The following PTPN4 variants were observed in gnomAD, a reference collection of about 807,000 sequenced individuals.
PTPN4 encodes the protein protein tyrosine phosphatase non-receptor type 4, also known as tyrosine-protein phosphatase non-receptor type 4.
In PTPN4, 49 loss-of-function variants were observed where a neutral mutation model predicts 135.5. The ratio of observed to expected loss-of-function variants is 0.36; its 90% CI spans 0.29 to 0.46. The LOEUF (loss-of-function observed/expected upper bound fraction) is 0.46, where lower values mean the gene tolerates loss of function less well. Among genes scored for constraint, PTPN4 ranks in the 20% least tolerant of loss-of-function variants. The pLI is 1.00. For missense variants in PTPN4, 860 were observed against 1,101.0 expected, an observed-to-expected ratio of 0.78 and a Z score of 3.10; for synonymous variants, 333 against 369.9, an observed-to-expected ratio of 0.90 and a Z score of 1.14.
chr2:119,945,305 T>C, intron 16 of PTPN4, 65 bp downstream of exon 16: 1 of 1,425,738 alleles, frequency 7.0e-7, no homozygotes, highest in Non-Finnish European at 9.4e-7. Context: ...TGAAATTTCT[T>C]TTGTACTTTG....
intron 12 of PTPN4, among the ~76,000 whole-genome samples, chr2:119,921,278 T>G (rs1678733546): frequency 6.6e-6 from 1 of 152,000 alleles, no homozygotes; most frequent in Non-Finnish European, 1.5e-5. Flanking sequence ...AGAGCAAGAC[T>G]CCATCTCAAA....
intron 18 of PTPN4, among the ~76,000 whole-genome samples, chr2:119,951,609 G>C (rs1375615428): frequency 1.3e-5 from 2 of 152,176 alleles, no homozygotes; most frequent in Non-Finnish European, 2.9e-5. Flanking sequence ...GGTAACTAAA[G>C]TTTGAATTGT....
intron 3 of PTPN4, among the ~76,000 whole-genome samples, chr2:119,874,278 A>C (rs1352881086): frequency 6.6e-6 from 1 of 152,212 alleles, no homozygotes; most frequent in Non-Finnish European, 1.5e-5. Context: ...AGTTTCTCAA[A>C]AAGTTAAATA....
rs533653035 is a variant in PTPN4, at chr2:119,893,342, G to C, written c.676-7376G>C. On this transcript the variant is annotated intron_variant, in intron 9 of 26. Transcript: ENST00000263708. ...ATTTGGTAATTATTCCAAAGCTTTT[G>C]GCCTGAACTTTTACTAAGTTGGGAA... Among the ~76,000 whole-genome samples the C allele has an allele frequency of 2.6e-5, 4 of 152,262 alleles. No individual in the cohort carries two copies. The South Asian group carries it at 8.3e-4, about 32-fold the overall frequency.
At chr2:119,831,051 T>G (rs1186205385) in intron 2 of PTPN4, among the ~76,000 whole-genome samples, 1 of 152,148 alleles carries the variant, frequency 6.6e-6, no homozygotes, top group South Asian at 2.1e-4. Context: ...AATTTTTCCA[T>G]GGATGGGGGG....
At chr2:119,966,135 C>T (rs975080282) in intron 25 of PTPN4, among the ~76,000 whole-genome samples, 14 of 152,232 alleles carry the variant, frequency 9.2e-5, no homozygotes, top group South Asian at 8.3e-4. Flanking sequence ...ATTCTCTGGA[C>T]GGGATGAATA....
At chr2:119,897,707 A>G (rs960465283) in intron 9 of PTPN4, among the ~76,000 whole-genome samples, 3 of 152,300 alleles carry the variant, frequency 2.0e-5, no homozygotes, top group African/African-American at 7.2e-5. Flanking sequence ...GCATGTTATA[A>G]ATTCTCCCCT....
At chr2:119,913,263 C>T (rs1350698998) in intron 10 of PTPN4, among the ~76,000 whole-genome samples, 2 of 152,076 alleles carry the variant, frequency 1.3e-5, no homozygotes, top group African/African-American at 4.8e-5. Context: ...AAACTGTTTT[C>T]AAACGTGGCT....
intron 15 of PTPN4, 107 bp downstream of exon 15, chr2:119,935,065 C>T (rs1451912228): frequency 1.6e-5 from 21 of 1,291,594 alleles, no homozygotes; most frequent in Non-Finnish European, 2.2e-5. Flanking sequence ...TTTAATTATG[C>T]AACTTTTCAA....
chr2:119,796,860 T>TTGTGTGTGTGTG (rs112883330), intron 1 of PTPN4, among the ~76,000 whole-genome samples: 2 of 147,646 alleles, frequency 1.4e-5, no homozygotes, highest in African/African-American at 5.0e-5. Context: ...GTCACTGTTT[T>TTGTGTGTGTGTG]TGTGTGTGTG....
chr2:119,896,760 T>C lies in PTPN4; in HGVS notation c.676-3958T>C, dbSNP rs1182712527. Among the ~76,000 whole-genome samples, 7 of 151,540 alleles carry C rather than the reference T, an allele frequency of 4.6e-5. No homozygotes were observed. The East Asian group carries it at 9.8e-4, about 21-fold the overall frequency. Reference sequence around the variant, plus strand: ...CATATAGAAAACACATGGAAAAGAATGTTTGATTCTTTTCCTTTTATTTAC... The same window carrying C: ...CATATAGAAAACACATGGAAAAGAACGTTTGATTCTTTTCCTTTTATTTAC... On this transcript the variant is annotated intron_variant, in intron 9 of 26. Coordinates refer to ENST00000263708, the MANE Select transcript of PTPN4 (RefSeq NM_002830.4).
chr2:119,868,843 C>T (rs1464367745), intron 3 of PTPN4, among the ~76,000 whole-genome samples: 1 of 152,156 alleles, frequency 6.6e-6, no homozygotes. Flanking sequence ...GTTCGAGGCT[C>T]TCAGCTCTGA....
chr2:119,766,455 T>TCAC (rs1558718900), intron 1 of PTPN4, among the ~76,000 whole-genome samples: 1 of 135,528 alleles, frequency 7.4e-6, no homozygotes, highest in Non-Finnish European at 1.6e-5. Flanking sequence ...CGCGCGTGTG[T>TCAC]GTGTGTGTGT....
chr2:119,931,123 G>A (rs553972403), intron 13 of PTPN4, among the ~76,000 whole-genome samples: 2 of 151,928 alleles, frequency 1.3e-5, no homozygotes, highest in Non-Finnish European at 2.9e-5. Flanking sequence ...GTGCTGGAAT[G>A]GAAAATACAT....
chr2:119,948,762 T>C (rs1679170875), intron 18 of PTPN4, among the ~76,000 whole-genome samples: 1 of 152,168 alleles, frequency 6.6e-6, no homozygotes, highest in Admixed American at 6.5e-5. Flanking sequence ...TATGGAAATA[T>C]ATCCATACGA....
At chr2:119,901,765 A>G (rs1404478550) in intron 10 of PTPN4, among the ~76,000 whole-genome samples, 1 of 152,206 alleles carries the variant, frequency 6.6e-6, no homozygotes, top group African/African-American at 2.4e-5. Flanking sequence ...ACGGAAATGT[A>G]AGCACAGAGA....
intron 1 of PTPN4, among the ~76,000 whole-genome samples, chr2:119,761,247 GA>G (rs1483985558): frequency 6.6e-6 from 1 of 152,158 alleles, no homozygotes; most frequent in Non-Finnish European, 1.5e-5. Flanking sequence ...CAATGTGTCC[GA>G]CTTGCAAAAG....
intron 23 of PTPN4, 150 bp from the exon 24 acceptor site, chr2:119,962,466 A>T (rs1679380256): frequency 2.6e-6 from 1 of 378,366 alleles, no homozygotes; most frequent in African/African-American, 2.2e-5. Flanking sequence ...AAAAAAAAAA[A>T]CACTAGTCAG....
rs536643492 is a variant in PTPN4, at chr2:119,909,937, G to T, written c.765-5242G>T. Among the ~76,000 whole-genome samples the T allele has an allele frequency of 1.5e-4, 23 of 152,246 alleles. 1 individual carries two copies. In the South Asian group the frequency reaches 4.8e-3, roughly 32 times the overall value. On this transcript the variant is annotated intron_variant, in intron 10 of 26. Coordinates refer to ENST00000263708, the MANE Select transcript of PTPN4 (RefSeq NM_002830.4). ...TTGCTGCAATCTCATGATAAAACTT[G>T]AATAGATGAGGATTTGCTTCTTATG... is the stretch of plus-strand genomic sequence containing the variant.
Sources: gnomAD v4.1 joint callset for allele counts (sites outside exome capture counted in the v4.1 genomes callset) on GRCh38, gnomAD v4.1.1 for gene constraint, MANE v1.5 for transcripts, NCBI Gene and HGNC (gene_info 2026-07-23, HGNC 2026-07-21) for gene names.